MYO6: variants seen among roughly 807,000 people sequenced by gnomAD.
The protein encoded by MYO6 is unconventional myosin-VI.
Under a neutral mutation model 178.7 loss-of-function variants are expected in MYO6, and 74 were observed. The ratio of observed to expected loss-of-function variants is 0.41; its 90% CI spans 0.34 to 0.50. The LOEUF (loss-of-function observed/expected upper bound fraction) is 0.50, where lower values mean the gene tolerates loss of function less well. Ranked by LOEUF, MYO6 falls within the 20% of genes least tolerant of loss-of-function variation. The pLI is 0.09. For synonymous variants in MYO6, 477 were observed against 504.6 expected (o/e 0.95, Z 0.73); for missense variants, 1,330 against 1,547.4 (o/e 0.86, Z 2.36).
At chr6:75,911,341 A>G (rs1334331978) in intron 32 of MYO6, among the ~76,000 whole-genome samples, 1 of 151,990 alleles carries the variant, frequency 6.6e-6, no homozygotes, top group Admixed American at 6.6e-5. Flanking sequence ...GTAATGTATG[A>G]AAGGTACTAT....
At chr6:75,773,456 A>G (rs1325945129) in intron 1 of MYO6, among the ~76,000 whole-genome samples, 4 of 152,244 alleles carry the variant, frequency 2.6e-5, no homozygotes, top group African/African-American at 7.2e-5. Flanking sequence ...TCATGTATCA[A>G]TCAGTATTTT....
intron 1 of MYO6, among the ~76,000 whole-genome samples, chr6:75,761,503 T>G (rs1462824897): frequency 2.6e-5 from 4 of 152,008 alleles, no homozygotes; most frequent in African/African-American, 7.2e-5. Flanking sequence ...ATAAACCAAT[T>G]TGGTGATTTT....
intron 18 of MYO6, chr6:75,867,338 T>G (rs1211980700): frequency 2.5e-6 from 1 of 405,414 alleles, no homozygotes; most frequent in Non-Finnish European, 4.5e-6. Flanking sequence ...ACATATCTGA[T>G]TGCCTCTCCT....
At chr6:75,841,828 C>T (rs1265941852) in intron 9 of MYO6, among the ~76,000 whole-genome samples, 1 of 152,070 alleles carries the variant, frequency 6.6e-6, no homozygotes, top group African/African-American at 2.4e-5. Context: ...GTTAGAATGA[C>T]CACTGTACTG....
At chr6:75,815,927 A>G (rs1293099711) in intron 1 of MYO6, among the ~76,000 whole-genome samples, 2 of 152,242 alleles carry the variant, frequency 1.3e-5, no homozygotes, top group Non-Finnish European at 2.9e-5. Flanking sequence ...CAGATGATCC[A>G]TTGTTACATT....
At chr6:75,770,325 A>G (rs1028090814) in intron 1 of MYO6, among the ~76,000 whole-genome samples, 11 of 152,238 alleles carry the variant, frequency 7.2e-5, no homozygotes, top group Admixed American at 5.9e-4. Context: ...AAACAGACCA[A>G]CACAGAGAGA....
intron 27 of MYO6, 38 bp from the exon 28 acceptor site, chr6:75,892,492 G>A (rs1476546713): frequency 6.2e-7 from 1 of 1,613,588 alleles, no homozygotes; most frequent in Admixed American, 1.7e-5. Context: ...GTAAACAAGT[G>A]AAGAACTCTT....
intron 20 of MYO6, among the ~76,000 whole-genome samples, chr6:75,878,405 T>C (rs1583341848): frequency 6.6e-6 from 1 of 152,336 alleles, no homozygotes; most frequent in Non-Finnish European, 1.5e-5. Flanking sequence ...AATCATAGAA[T>C]AGATTTACCG....
At chr6:75,790,522 C>G (rs943398993) in intron 1 of MYO6, among the ~76,000 whole-genome samples, 1 of 152,042 alleles carries the variant, frequency 6.6e-6, no homozygotes, top group Non-Finnish European at 1.5e-5. Context: ...GCTAGGATTA[C>G]AGGTGTGTGC....
At chr6:75,870,389 A>C (rs1777049700) in intron 18 of MYO6, among the ~76,000 whole-genome samples, 1 of 152,132 alleles carries the variant, frequency 6.6e-6, no homozygotes, top group Non-Finnish European at 1.5e-5. Flanking sequence ...ATATGTGTGT[A>C]TGTTTTTAAT....
intron 1 of MYO6, among the ~76,000 whole-genome samples, chr6:75,812,264 G>A (rs900429382): frequency 6.6e-6 from 1 of 152,122 alleles, no homozygotes; most frequent in African/African-American, 2.4e-5. Flanking sequence ...AGGATCAAGT[G>A]ATCCTCCCAC....
At chr6:75,853,753 C>A (rs1286219115) in intron 11 of MYO6, among the ~76,000 whole-genome samples, 1 of 152,016 alleles carries the variant, frequency 6.6e-6, no homozygotes, top group Non-Finnish European at 1.5e-5. Flanking sequence ...ATTAGGTAGT[C>A]TTAGAATATA....
chr6:75,825,796 C>G (rs1162072067), intron 3 of MYO6, among the ~76,000 whole-genome samples: 2 of 151,950 alleles, frequency 1.3e-5, no homozygotes, highest in Admixed American at 1.3e-4. Flanking sequence ...ACTCTCTAGT[C>G]AGATATCTAA....
At chr6:75,775,404 C>T (rs1766283104) in intron 1 of MYO6, among the ~76,000 whole-genome samples, 2 of 152,148 alleles carry the variant, frequency 1.3e-5, no homozygotes, top group African/African-American at 4.8e-5. Context: ...TTGGGCTGGC[C>T]CTTGTCTCTG....
chr6:75,909,686 T>G (rs1562316771), intron 32 of MYO6, among the ~76,000 whole-genome samples: 1 of 152,222 alleles, frequency 6.6e-6, no homozygotes, highest in African/African-American at 2.4e-5. Flanking sequence ...GTGTTCAAAT[T>G]GGCACAATTT....
rs1321514587 is a variant in MYO6 at position 75,917,301 on chromosome 6, A to C, written c.*2289A>C. 1.3e-5 allele frequency: 2 copies of C among 152,682 alleles called. No homozygotes were observed. Among genetic ancestry groups the C allele is most frequent in the African/African-American group, 4.8e-5 (2 of 41,466 alleles). The allele number at this position is 152,682 out of a possible 1,614,324, so 9.5% of individuals were successfully genotyped here. ...TTAAACCACTATATATAAAGAACTA[A>C]TCTTTTCTTAATACCAGTTCTTTCC... is the stretch of plus-strand genomic sequence containing the variant. On this transcript the variant is annotated 3_prime_UTR_variant, in exon 35 of 35. Transcript: ENST00000369977.
At chr6:75,782,275 T>G (rs948404732) in intron 1 of MYO6, among the ~76,000 whole-genome samples, 2 of 152,178 alleles carry the variant, frequency 1.3e-5, no homozygotes, top group Non-Finnish European at 2.9e-5. Context: ...TAGTTTTATA[T>G]TGTCATAGAT....
At chr6:75,831,779 A>G (rs1211238010) in intron 5 of MYO6, among the ~76,000 whole-genome samples, 2 of 151,598 alleles carry the variant, frequency 1.3e-5, no homozygotes, top group Non-Finnish European at 2.9e-5. Flanking sequence ...AGTCCCAGCT[A>G]CTCTGGAGGC....
At chr6:75,890,017 A>T (rs1778777392) in intron 25 of MYO6, 40 bp from the exon 26 acceptor site, 1 of 1,416,664 alleles carries the variant, frequency 7.1e-7, no homozygotes, top group African/African-American at 1.4e-5. Context: ...GCAACAGAAG[A>T]AATAAGCTTT....
Sources: gnomAD v4.1 joint callset for allele counts (sites outside exome capture counted in the v4.1 genomes callset) on GRCh38, gnomAD v4.1.1 for gene constraint, MANE v1.5 for transcripts, NCBI Gene and HGNC (gene_info 2026-07-23, HGNC 2026-07-21) for gene names.